SEC24C: variants seen among roughly 807,000 people sequenced by gnomAD.
The protein encoded by SEC24C is SEC24 homolog C, COPII component.
A neutral mutation model predicts 117.0 loss-of-function variants in SEC24C; 22 were observed. That is an observed-to-expected ratio of 0.19 (90% CI 0.13 to 0.27). The LOEUF (loss-of-function observed/expected upper bound fraction) is 0.27. Ranked by LOEUF, SEC24C falls within the 10% of genes least tolerant of loss-of-function variation. The probability of loss-of-function intolerance (pLI) is 1.00; values close to 1 mark genes in which losing one functional copy is unlikely to be tolerated. For missense variants in SEC24C, 1,155 were observed against 1,375.1 expected (o/e 0.84, Z 2.53); for synonymous variants, 506 against 529.4 (o/e 0.96, Z 0.61).
Position 73,766,520 on chromosome 10 carries a change from A to T in SEC24C, c.1778A>T (p.Glu593Val), listed in dbSNP as rs143392940. The T allele has an allele frequency of 1.9e-6, 3 of 1,609,936 alleles. No homozygotes were observed. The African/African-American group carries it at 4.0e-5, about 22-fold the overall frequency. The stretch of plus-strand genomic sequence containing the variant: ...GATGGCTTCCTGGTCAACGTCAATG[A>T]GTCTCGGGCAGTTATCACCAGGTAA... ...LLDGFLVNVN[E>V]SRAVITSLLD... The change falls in exon 12 of 23, where the codon GAG (glutamate) becomes GTG (valine). Residue 593 changes from glutamate (E) to valine (V), a missense_variant. Transcript: ENST00000345254.
chr10:73,747,168 C>T (rs1228575092), intron 2 of SEC24C, among the ~76,000 whole-genome samples, 164 bp downstream of exon 2: 1 of 152,096 alleles, frequency 6.6e-6, no homozygotes, highest in Non-Finnish European at 1.5e-5. Context: ...GCGCCCTTCC[C>T]TTCCCTTTTT....
At position 73,759,807 on chromosome 10, in the gene SEC24C, G is replaced by A. The variant is rs200707682; in HGVS notation, c.481+13G>A. 1.1e-3 allele frequency: 1,773 copies of A among 1,553,988 alleles called. 6 individuals are homozygous for A. The highest frequency in any genetic ancestry group is 2.3e-3 in the Middle Eastern group (13 of 5,744). ...GGGCTGGGCTTTGGTGAGTGGCTGT[G>A]AACACAGGAATGTTACTGTCCCCTG... On this transcript the variant is annotated intron_variant, in intron 4 of 22. Transcript: ENST00000345254.
Position 73,767,889 on chromosome 10 carries a change from T to C in SEC24C, c.2063T>C (p.Val688Ala). Reference sequence around the variant, plus strand: ...TATCAGACCCTGGCCAAAGAGTGTGTGGCCCAAGGCTGCTGTGTAGATCTC... The same window carrying C: ...TATCAGACCCTGGCCAAAGAGTGTGCGGCCCAAGGCTGCTGTGTAGATCTC... ...GAYQTLAKEC[V>A]AQGCCVDLFL... The change falls in exon 15 of 23, where the codon GTG becomes GCG. Residue 688 changes from valine to alanine, a missense_variant. This residue lies in a region of SEC24C where 759 missense variants were observed against 992.3 expected (regional missense o/e 0.76). Transcript: ENST00000345254. 1 of 1,613,614 alleles carries C rather than the reference T, an allele frequency of 6.2e-7. No homozygotes were observed. Among genetic ancestry groups the C allele is most frequent in the Non-Finnish European group, 8.5e-7 (1 of 1,179,758 alleles).
intron 11 of SEC24C, 24 bp downstream of exon 11, chr10:73,766,234 T>C: frequency 6.2e-7 from 1 of 1,603,626 alleles, no homozygotes; most frequent in Middle Eastern, 1.7e-4. Flanking sequence ...AACTGAGGTG[T>C]TTCCTGAGGT....
At chr10:73,770,091 ATCAG>A (rs1224191107) in intron 20 of SEC24C, 76 bp downstream of exon 20, 2 of 1,399,098 alleles carry the variant, frequency 1.4e-6, no homozygotes, top group Non-Finnish European at 2.0e-6. Flanking sequence ...ATAGGCTAGT[ATCAG>A]TCAGACACTA....
rs1589533277 is a variant in SEC24C at position 73,771,211 on chromosome 10, G to A, written c.*116G>A. On this transcript the variant is annotated 3_prime_UTR_variant, in exon 23 of 23. Coordinates refer to ENST00000345254, the MANE Select transcript of SEC24C (RefSeq NM_198597.3). ...AAGCTGACCTCAGTCTCTCTGGGGGGAGGGGGAGATATAAGGAGACACCTT... is the reference window on the plus strand; with the variant it reads ...AAGCTGACCTCAGTCTCTCTGGGGGAAGGGGGAGATATAAGGAGACACCTT... The A allele has an allele frequency of 4.0e-6, 5 of 1,235,846 alleles. No individual in the cohort carries two copies. The highest frequency in any genetic ancestry group is 5.7e-6 in the Non-Finnish European group (5 of 883,222). The allele number at this position is 1,235,846 out of a possible 1,614,324, so 76.6% of individuals were successfully genotyped here.
intron 2 of SEC24C, 61 bp downstream of exon 2, chr10:73,747,065 G>A: frequency 6.7e-7 from 1 of 1,494,110 alleles, no homozygotes; most frequent in Non-Finnish European, 9.1e-7. Context: ...TCTTCAGGTT[G>A]GGTTGTATTG....
At chr10:73,764,559 T>TAAAAAAAAAAAAAACAAGAG (rs2082851846) in intron 8 of SEC24C, among the ~76,000 whole-genome samples, 1 of 151,382 alleles carries the variant, frequency 6.6e-6, no homozygotes, top group Non-Finnish European at 1.5e-5. Flanking sequence ...AGGGCCAAAT[T>TAAAAAAAAAAAAAACAAGAG]GTAGGGGAGA....
chr10:73,755,930 C>T (rs1485379197), intron 3 of SEC24C, among the ~76,000 whole-genome samples: 3 of 151,572 alleles, frequency 2.0e-5, no homozygotes, highest in Non-Finnish European at 1.5e-5. Context: ...CTGCTCACTG[C>T]AACCTCTACC....
At chr10:73,755,504 C>T (rs1314124541) in intron 3 of SEC24C, among the ~76,000 whole-genome samples, 6 of 151,924 alleles carry the variant, frequency 3.9e-5, no homozygotes, top group Non-Finnish European at 5.9e-5. Context: ...GGTGAAACCC[C>T]GTCTCTACTA....
At chr10:73,763,392 GT>G in intron 6 of SEC24C, 97 bp from the exon 7 acceptor site, 1 of 740,032 alleles carries the variant, frequency 1.4e-6, no homozygotes, top group Non-Finnish European at 2.3e-6. Context: ...CAAATTTTTA[GT>G]TTTTGTGTTA....
At position 73,770,978 on chromosome 10, in the gene SEC24C, C is replaced by T. The variant is rs933637884; in HGVS notation, c.3168C>T (p.Asp1056=). ...AGCTTACCGTGGTGAAACAGGAAGA[C>T]AAGATGGAGATGCTGTTCAAGCACT... The part of the protein sequence containing the change: ...YMKLTVVKQE[D]KMEMLFKHFL... Residue 1056 remains aspartate, a synonymous_variant, in exon 23 of 23, where the codon GAC becomes GAT. Transcript: ENST00000345254. 1 of 1,614,148 alleles carries T rather than the reference C, an allele frequency of 6.2e-7. No homozygotes were observed. Among genetic ancestry groups the T allele is most frequent in the Non-Finnish European group, 8.5e-7 (1 of 1,180,028 alleles).
chr10:73,770,041 A>G (rs998011717), intron 20 of SEC24C, 26 bp downstream of exon 20: 6 of 1,608,684 alleles, frequency 3.7e-6, no homozygotes, highest in Non-Finnish European at 5.1e-6. Context: ...GGAGTATGAG[A>G]TCTTGCACGG....
At chr10:73,757,621 TCGGAG>T (rs2132542882) in intron 3 of SEC24C, among the ~76,000 whole-genome samples, 1 of 151,752 alleles carries the variant, frequency 6.6e-6, no homozygotes, top group African/African-American at 2.4e-5. Context: ...GAAGGGATTA[TCGGAG>T]AAAGGCACTT....
intron 3 of SEC24C, among the ~76,000 whole-genome samples, chr10:73,756,899 A>ATTTT (rs1172846982): frequency 1.4e-4 from 6 of 41,922 alleles, no homozygotes; most frequent in African/African-American, 5.2e-4. Context: ...TTCCTGGCCA[A>ATTTT]TTTTTTTTTT....
At chr10:73,749,110 A>G (rs1272449726) in intron 2 of SEC24C, among the ~76,000 whole-genome samples, 2 of 152,194 alleles carry the variant, frequency 1.3e-5, no homozygotes, top group African/African-American at 4.8e-5. Flanking sequence ...CACATCTCCC[A>G]GGTTCACTGA....
chr10:73,755,707 G>A (rs906540432), intron 3 of SEC24C, among the ~76,000 whole-genome samples: 1 of 151,900 alleles, frequency 6.6e-6, no homozygotes. Flanking sequence ...CAACCGGGTG[G>A]TAGATTGACA....
chr10:73,760,832 G>C lies in SEC24C; in HGVS notation c.970G>C (p.Asp324His). The C allele has an allele frequency of 6.2e-7, 1 of 1,613,008 alleles. No individual in the cohort carries two copies. The highest frequency in any genetic ancestry group is 8.5e-7 in the Non-Finnish European group (1 of 1,179,664). ...QPLPPKRLDP[D>H]AIPSPIQVIE... ...ACTGCCTCCTAAGCGCCTGGACCCT[G>C]ATGCCATCCCAAGCCCTGTAAGTAG... The change falls in exon 6 of 23, where the codon GAT (aspartate) becomes CAT (histidine). Residue 324 changes from aspartate to histidine, a missense_variant. Transcript: ENST00000345254.
intron 6 of SEC24C, among the ~76,000 whole-genome samples, 188 bp downstream of exon 6, chr10:73,761,037 T>C (rs1460077040): frequency 6.6e-6 from 1 of 152,174 alleles, no homozygotes; most frequent in African/African-American, 2.4e-5. Flanking sequence ...GGGGGCTGTT[T>C]TACTCTATAG....
Sources: allele counts gnomAD v4.1 joint callset (sites outside exome capture counted in the v4.1 genomes callset), GRCh38; gene constraint gnomAD v4.1.1; regional missense constraint gnomAD v4.1.1; transcripts MANE v1.5; gene names NCBI Gene and HGNC (gene_info 2026-07-23, HGNC 2026-07-21).